Variants in LUZP1 observed in about 807,000 individuals in gnomAD.
LUZP1 encodes the protein filamin mechanobinding actin cross-linking protein.
A neutral mutation model predicts 71.3 loss-of-function variants in LUZP1; 25 were observed. The observed-to-expected ratio is 0.35, with a 90% confidence interval of 0.26 to 0.49. The LOEUF (loss-of-function observed/expected upper bound fraction) is 0.49. Among genes scored for constraint, LUZP1 ranks in the 20% least tolerant of loss-of-function variants. The probability of loss-of-function intolerance (pLI) is 0.99; values close to 1 mark genes in which losing one functional copy is unlikely to be tolerated. For synonymous variants in LUZP1, 481 were observed against 506.4 expected (o/e 0.95, Z 0.67); for missense variants, 1,142 against 1,300.8 (o/e 0.88, Z 1.88).
intron 2 of LUZP1, among the ~76,000 whole-genome samples, chr1:23,134,924 C>T (rs1644242382): frequency 2.0e-5 from 3 of 152,088 alleles, no homozygotes; most frequent in African/African-American, 7.2e-5. Flanking sequence ...ACAGATCATC[C>T]CATCACCCAG....
At position 23,104,544 on chromosome 1, in the gene LUZP1, G is replaced by A. The variant is rs533782963; in HGVS notation, c.-120+4478C>T. On this transcript the variant is annotated intron_variant, in intron 3 of 4. Coordinates refer to ENST00000302291, the Ensembl canonical transcript of LUZP1. ...AGGCCTTTTCAAACCATCCTTCCCC[G>A]CAAGAGAAATGCACCATCCTAAATT... is the stretch of plus-strand genomic sequence containing the variant. Among the ~76,000 whole-genome samples the A allele has an allele frequency of 5.9e-5, 9 of 152,038 alleles. No homozygotes were observed. In the South Asian group the frequency reaches 8.3e-4, roughly 14 times the overall value.
intron 2 of LUZP1, among the ~76,000 whole-genome samples, chr1:23,110,635 T>TACACACACACACACACACAC (rs1553137224): frequency 3.6e-4 from 15 of 41,848 alleles, no homozygotes; most frequent in African/African-American, 1.0e-3. Context: ...CGCGCACACA[T>TACACACACACACACACACAC]ACACACACAC....
intron 2 of LUZP1, among the ~76,000 whole-genome samples, chr1:23,146,133 C>T (rs1361507358): frequency 1.3e-5 from 2 of 152,002 alleles, no homozygotes; most frequent in African/African-American, 2.4e-5. Flanking sequence ...TGGGTTCAAG[C>T]GATTCTGCTG....
chr1:23,133,756 C>G (rs1470422329), intron 2 of LUZP1: 1 of 149,062 alleles, frequency 6.7e-6, no homozygotes, highest in Non-Finnish European at 1.5e-5. Flanking sequence ...GAACGAGACT[C>G]CATCTCAAAA....
At chr1:23,174,672 G>GA (rs1279886922) in intron 1 of LUZP1, among the ~76,000 whole-genome samples, 3 of 151,896 alleles carry the variant, frequency 2.0e-5, no homozygotes, top group South Asian at 2.1e-4. Flanking sequence ...TGTGTCATCA[G>GA]AAAAAAAGGC....
At chr1:23,118,194 G>T (rs2124659635) in intron 2 of LUZP1, among the ~76,000 whole-genome samples, 1 of 152,120 alleles carries the variant, frequency 6.6e-6, no homozygotes, top group East Asian at 1.9e-4. Context: ...TTGAGGTCAG[G>T]AGTTCGAGAC....
At chr1:23,085,986 A>ATT (rs1479233406) in exon 5 of LUZP1, 1 of 152,172 alleles carries the variant, frequency 6.6e-6, no homozygotes, top group East Asian at 1.9e-4. Flanking sequence ...TGCCAGTAAA[A>ATT]TTTAAGAGCC....
chr1:23,119,394 G>C (rs72877240), intron 2 of LUZP1, among the ~76,000 whole-genome samples: 1,931 of 151,614 alleles, frequency 0.013, 56 homozygotes, highest in African/African-American at 0.044. Flanking sequence ...GATTAGCTAG[G>C]ACATAACTGA....
chr1:23,144,745 A>G (rs1644329471), intron 2 of LUZP1, among the ~76,000 whole-genome samples: 1 of 152,238 alleles, frequency 6.6e-6, no homozygotes, highest in African/African-American at 2.4e-5. Context: ...CTCTTCTCTC[A>G]TTCCAAATAC....
intron 2 of LUZP1, among the ~76,000 whole-genome samples, chr1:23,167,959 G>A (rs1024996043): frequency 1.3e-4 from 19 of 151,514 alleles, no homozygotes; most frequent in Admixed American, 5.3e-4. Context: ...CGGGCGGGGG[G>A]AGGCCCCGGC....
rs559544381 is a variant in LUZP1, at chr1:23,093,317, C to T, written c.945G>A (p.Met315Ile). 6.2e-7 allele frequency: 1 copy of T among 1,609,754 alleles called. No homozygotes were observed. Among genetic ancestry groups the T allele is most frequent in the East Asian group, 2.2e-5 (1 of 44,860 alleles). ...CCTGAAGGTCGTTATTTTTGGACTT[C>T]ATTTTCTTAAGCTCTTCTTCCAACG... The change falls in exon 4 of 5, where the codon ATG (methionine) becomes ATA (isoleucine). Residue 315 changes from methionine to isoleucine, a missense_variant. By Grantham distance (10) the Met-to-Ile change is conservative. Coordinates refer to ENST00000302291, the Ensembl canonical transcript of LUZP1. The surrounding 1 kb of genome is among the most constrained non-coding windows in gnomAD (Gnocchi z 4.2).
Position 23,150,025 on chromosome 1 carries a change from A to C in LUZP1, c.-226+18741T>G, listed in dbSNP as rs188453591. Among the ~76,000 whole-genome samples the C allele has an allele frequency of 3.9e-5, 6 of 152,068 alleles. No individual in the cohort carries two copies. The East Asian group carries it at 1.2e-3, about 29-fold the overall frequency. ...AAGAAAAAGATGGCAATAATTCAAA[A>C]AGCTGAAAAGGCAGAAAATTTTTAT... On this transcript the variant is annotated intron_variant, in intron 2 of 4. Transcript: ENST00000302291.
chr1:23,103,859 G>A (rs865958068), intron 3 of LUZP1, among the ~76,000 whole-genome samples: 2 of 8,592 alleles, frequency 2.3e-4, no homozygotes, highest in African/African-American at 4.2e-4. Context: ...AGGGAGGGAG[G>A]GAGGGAGGGA....
At chr1:23,158,634 C>G (rs1644438998) in intron 2 of LUZP1, among the ~76,000 whole-genome samples, 1 of 108,122 alleles carries the variant, frequency 9.2e-6, no homozygotes, top group African/African-American at 3.6e-5. Flanking sequence ...GTGGCAAGAG[C>G]AAGACTCTGT....
intron 2 of LUZP1, among the ~76,000 whole-genome samples, chr1:23,122,919 T>C (rs923185769): frequency 5.3e-5 from 8 of 152,222 alleles, no homozygotes; most frequent in African/African-American, 1.9e-4. Flanking sequence ...CTATGGCTCC[T>C]GCCTTGTGTA....
chr1:23,109,817 C>T (rs1395086461), intron 2 of LUZP1, among the ~76,000 whole-genome samples: 1 of 152,000 alleles, frequency 6.6e-6, no homozygotes. Flanking sequence ...CCAGGGATTT[C>T]GGATAAGGGG....
chr1:23,104,536 C>G (rs1643964018), intron 3 of LUZP1, among the ~76,000 whole-genome samples: 1 of 152,094 alleles, frequency 6.6e-6, no homozygotes, highest in Non-Finnish European at 1.5e-5. Flanking sequence ...TTCAAACCAT[C>G]CTTCCCCGCA....
chr1:23,173,961 G>A (rs1459498552), intron 1 of LUZP1, among the ~76,000 whole-genome samples: 5 of 151,952 alleles, frequency 3.3e-5, no homozygotes, highest in African/African-American at 1.2e-4. Context: ...ACAAGGCCAG[G>A]ACAAAAAGAA....
chr1:23,129,167 G>A (rs2124682070), intron 2 of LUZP1, among the ~76,000 whole-genome samples: 1 of 152,334 alleles, frequency 6.6e-6, no homozygotes, highest in East Asian at 1.9e-4. Context: ...TTGTGTGTAT[G>A]TGGTGGGGCA....
Sources: allele counts gnomAD v4.1 joint callset (sites outside exome capture counted in the v4.1 genomes callset), GRCh38; gene constraint gnomAD v4.1.1; non-coding constraint Gnocchi (gnomAD v3.1); transcripts MANE v1.5; gene names NCBI Gene and HGNC (gene_info 2026-07-23, HGNC 2026-07-21).